The following USH2A variants were observed in gnomAD, a reference collection of about 807,000 sequenced individuals.
USH2A encodes usherin, also known as Usher syndrome 2A (autosomal recessive, mild).
A neutral mutation model predicts 538.9 loss-of-function variants in USH2A; 443 were observed. That is an observed-to-expected ratio of 0.82 (90% confidence interval 0.76 to 0.89). USH2A has a LOEUF of 0.89. USH2A is among the 40% of genes least tolerant of loss of function. The pLI, the probability that USH2A is intolerant of heterozygous loss-of-function variation, is 0.00. For missense variants in USH2A, 6,633 were observed against 6,324.8 expected (o/e 1.05, Z -1.65); for synonymous variants, 2,413 against 2,273.5 (o/e 1.06, Z -1.75).
At chr1:215,694,528 A>C (rs111831815) in intron 61 of USH2A, among the ~76,000 whole-genome samples, 43 of 152,332 alleles carry the variant, frequency 2.8e-4, no homozygotes, top group African/African-American at 5.3e-4. Context: ...AGCCGAGATC[A>C]CGCCACTGCA....
intron 3 of USH2A, among the ~76,000 whole-genome samples, chr1:216,398,292 G>GA (rs554358144): frequency 6.6e-6 from 1 of 151,838 alleles, no homozygotes. Context: ...GTAGGTAGAA[G>GA]AAAAAAAATT....
intron 58 of USH2A, among the ~76,000 whole-genome samples, chr1:215,755,531 G>A (rs1388286915): frequency 2.0e-5 from 3 of 152,116 alleles, no homozygotes; most frequent in Non-Finnish European, 4.4e-5. Flanking sequence ...TTATACACAA[G>A]TCAAAATCAT....
At chr1:216,068,857 G>T (rs1469294335) in intron 30 of USH2A, among the ~76,000 whole-genome samples, 1 of 152,092 alleles carries the variant, frequency 6.6e-6, no homozygotes, top group Non-Finnish European at 1.5e-5. Flanking sequence ...CCATCAGGCA[G>T]AAAAATGCAA....
At chr1:216,011,330 T>C (rs10864221) in intron 32 of USH2A, among the ~76,000 whole-genome samples, 134,349 of 152,140 alleles carry the variant, frequency 0.88, 59,588 homozygotes, top group African/African-American at 0.97. Flanking sequence ...TGACACCCAT[T>C]AGGCTCAGCA....
chr1:216,272,160 T>C (rs2036587451), intron 11 of USH2A, among the ~76,000 whole-genome samples: 2 of 152,166 alleles, frequency 1.3e-5, no homozygotes, highest in African/African-American at 2.4e-5. Flanking sequence ...GAAAGGTTTT[T>C]AGATATGAAT....
intron 61 of USH2A, among the ~76,000 whole-genome samples, chr1:215,702,338 T>A (rs1051427158): frequency 6.6e-6 from 1 of 152,218 alleles, no homozygotes; most frequent in Non-Finnish European, 1.5e-5. Context: ...TAGTGTTCTC[T>A]GTATTTCCTG....
chr1:216,174,494 CA>C, intron 21 of USH2A: 1 of 985,358 alleles, frequency 1.0e-6, no homozygotes, highest in Non-Finnish European at 1.2e-6. Context: ...TGTGCTGGTA[CA>C]GAGTTCAATC....
intron 49 of USH2A, among the ~76,000 whole-genome samples, chr1:215,808,011 A>T (rs1325306343): frequency 3.3e-5 from 5 of 152,126 alleles, no homozygotes. Flanking sequence ...TCAAACAACT[A>T]AGAGGTGAAA....
chr1:216,328,977 C>T (rs1278356277), intron 4 of USH2A, among the ~76,000 whole-genome samples: 3 of 152,120 alleles, frequency 2.0e-5, no homozygotes, highest in Non-Finnish European at 4.4e-5. Context: ...CTTATAGGCT[C>T]TCTCTTTCTA....
intron 35 of USH2A, among the ~76,000 whole-genome samples, chr1:215,983,656 C>G (rs932536608): frequency 6.6e-6 from 1 of 152,158 alleles, no homozygotes; most frequent in Non-Finnish European, 1.5e-5. Context: ...AAACACCTCT[C>G]CGTGTTAAAT....
rs1381929361 is a variant in USH2A at position 215,903,364 on chromosome 1, T to C, written c.7301-2459A>G. 2.0e-5 allele frequency among the ~76,000 whole-genome samples: 3 copies of C among 152,012 alleles called. No individual in the cohort carries two copies. The East Asian group carries it at 5.8e-4, about 29-fold the overall frequency. On this transcript the variant is annotated intron_variant, in intron 38 of 71. Transcript: ENST00000307340. ...GAGCTTAGACAACACTTAGAGGGAA[T>C]TTATTCTAAAAGGGATTAGAAAATG...
intron 3 of USH2A, among the ~76,000 whole-genome samples, chr1:216,387,763 C>G (rs1348519282): frequency 6.6e-6 from 1 of 152,146 alleles, no homozygotes; most frequent in Non-Finnish European, 1.5e-5. Context: ...TTTTAATGCT[C>G]TGTGCCACCA....
At chr1:216,372,897 A>C (rs1023008156) in intron 3 of USH2A, among the ~76,000 whole-genome samples, 1 of 152,234 alleles carries the variant, frequency 6.6e-6, no homozygotes, top group Non-Finnish European at 1.5e-5. Flanking sequence ...CATGGAGAAC[A>C]GATGATTTCC....
chr1:215,930,671 T>C (rs1396766212), intron 38 of USH2A, among the ~76,000 whole-genome samples: 1 of 151,976 alleles, frequency 6.6e-6, no homozygotes, highest in African/African-American at 2.4e-5. Context: ...AAGAGCCAAT[T>C]AGATTTAAGC....
intron 20 of USH2A, among the ~76,000 whole-genome samples, chr1:216,184,008 A>T (rs1266541041): frequency 6.6e-6 from 1 of 151,928 alleles, no homozygotes; most frequent in Non-Finnish European, 1.5e-5. Context: ...ACAAACAAAA[A>T]ACCTTCAGTG....
intron 13 of USH2A, among the ~76,000 whole-genome samples, chr1:216,237,553 A>C (rs1332074166): frequency 6.6e-6 from 1 of 151,850 alleles, no homozygotes; most frequent in Non-Finnish European, 1.5e-5. Flanking sequence ...CAGAGTATAC[A>C]TTCTGGAGTC....
chr1:216,016,549 C>T (rs886136984), intron 32 of USH2A, among the ~76,000 whole-genome samples: 1 of 152,128 alleles, frequency 6.6e-6, no homozygotes, highest in Non-Finnish European at 1.5e-5. Flanking sequence ...TGAAACATCT[C>T]CTGACTCTCT....
intron 55 of USH2A, among the ~76,000 whole-genome samples, chr1:215,774,079 T>G (rs747917075): frequency 2.6e-5 from 4 of 152,116 alleles, no homozygotes; most frequent in Non-Finnish European, 5.9e-5. Context: ...TTGAGCAGCA[T>G]TTGTACTGTC....
At chr1:216,368,907 A>G (rs1046025956) in intron 3 of USH2A, among the ~76,000 whole-genome samples, 6 of 152,306 alleles carry the variant, frequency 3.9e-5, no homozygotes, top group African/African-American at 1.4e-4. Context: ...CCTCATTTAA[A>G]GCAAAACCAT....
Sources: allele counts gnomAD v4.1 joint callset (sites outside exome capture counted in the v4.1 genomes callset), GRCh38; gene constraint gnomAD v4.1.1; transcripts MANE v1.5; gene names NCBI Gene and HGNC (gene_info 2026-07-23, HGNC 2026-07-21).